EDA: variants seen among roughly 807,000 people sequenced by gnomAD.
The protein encoded by EDA is ectodysplasin A.
A neutral mutation model predicts 23.6 loss-of-function variants in EDA; 2 were observed. The ratio of observed to expected loss-of-function variants is 0.08; its 90% CI spans 0.03 to 0.27. The LOEUF (loss-of-function observed/expected upper bound fraction) is 0.27, where lower values mean the gene tolerates loss of function less well. EDA is among the 10% of genes least tolerant of loss of function. The probability of loss-of-function intolerance (pLI) is 1.00; values close to 1 mark genes in which losing one functional copy is unlikely to be tolerated. For missense variants in EDA, 229 were observed against 324.2 expected (o/e 0.71, Z 2.26); for synonymous variants, 131 against 132.0 (o/e 0.99, Z 0.05).
At chrX:69,689,770 T>C (rs1269593369) in intron 1 of EDA, among the ~76,000 whole-genome samples, 1 of 111,860 alleles carries the variant, frequency 8.9e-6, no homozygotes, top group Non-Finnish European at 1.9e-5. Context: ...ATTGCCATCT[T>C]AACAATATTA....
rs767191066 is a variant in EDA, at chrX:69,945,556, A to G, written c.397-11471A>G. ...TTGAAATCTAATTCTCCATTGCTTC[A>G]TGGAAAGATATCTTTAGTCCCTAAT... On this transcript the variant is annotated intron_variant, in intron 1 of 7. Coordinates refer to ENST00000374552, the MANE Select transcript of EDA (RefSeq NM_001399.5). Among the ~76,000 whole-genome samples, 3 of 112,325 alleles carry G rather than the reference A, an allele frequency of 2.7e-5. No individual in the cohort carries two copies. The South Asian group carries it at 1.1e-3, about 42-fold the overall frequency.
intron 1 of EDA, among the ~76,000 whole-genome samples, chrX:69,788,425 A>C (rs986904504): frequency 2.7e-5 from 3 of 111,072 alleles, no homozygotes; most frequent in African/African-American, 9.9e-5. Context: ...TTGTGGTTTT[A>C]TCTACTTTTG....
chrX:69,867,066 A>AC (rs1230456765), intron 1 of EDA, among the ~76,000 whole-genome samples: 1 of 111,695 alleles, frequency 9.0e-6, no homozygotes, highest in East Asian at 2.8e-4. Flanking sequence ...CTAGCTGATC[A>AC]CCCCAAAGAA....
chrX:69,760,861 G>A (rs1375623176), intron 1 of EDA, among the ~76,000 whole-genome samples: 1 of 111,596 alleles, frequency 9.0e-6, no homozygotes, highest in African/African-American at 3.3e-5. Flanking sequence ...CTCAGAAGCA[G>A]CACAGCTTTT....
At chrX:69,636,741 C>A (rs1435611094) in intron 1 of EDA, among the ~76,000 whole-genome samples, 1 of 108,959 alleles carries the variant, frequency 9.2e-6, no homozygotes, top group Non-Finnish European at 1.9e-5. Flanking sequence ...TTTCTTCTTG[C>A]TACTGTAACT....
chrX:69,968,390 A>T lies in EDA; in HGVS notation c.502+11258A>T, dbSNP rs1246312661. Among the ~76,000 whole-genome samples the T allele has an allele frequency of 3.6e-5, 4 of 112,212 alleles. No individual in the cohort carries two copies. In the Admixed American group the frequency reaches 3.8e-4, roughly 11 times the overall value. On this transcript the variant is annotated intron_variant, in intron 2 of 7. Transcript: ENST00000374552. ...ACAACCCATTTCTAACAAAGGGAAC[A>T]GCAAGTACAAAGCTAACCAATCCCC...
intron 1 of EDA, among the ~76,000 whole-genome samples, chrX:69,763,520 G>A (rs1449563208): frequency 8.9e-6 from 1 of 112,063 alleles, no homozygotes; most frequent in Non-Finnish European, 1.9e-5. Context: ...GGTAAACTAT[G>A]AATTATGCCT....
At chrX:69,832,650 A>G (rs184743395) in intron 1 of EDA, among the ~76,000 whole-genome samples, 19 of 111,592 alleles carry the variant, frequency 1.7e-4, no homozygotes, top group African/African-American at 5.9e-4. Flanking sequence ...TTTTCACAAT[A>G]TTGATTCTTC....
chrX:69,823,351 A>T (rs1013715078), intron 1 of EDA, among the ~76,000 whole-genome samples: 2 of 86,372 alleles, frequency 2.3e-5, no homozygotes, highest in Admixed American at 1.3e-4. Flanking sequence ...CATCCTCTCC[A>T]GCACCTGTTG....
At chrX:69,898,560 G>A (rs75745955) in intron 1 of EDA, among the ~76,000 whole-genome samples, 1 of 111,811 alleles carries the variant, frequency 8.9e-6, no homozygotes, top group Non-Finnish European at 1.9e-5. Flanking sequence ...TCCAGCCTGG[G>A]TGACAGAGCG....
intron 3 of EDA, among the ~76,000 whole-genome samples, chrX:70,025,841 C>G (rs2043525445): frequency 8.9e-6 from 1 of 112,204 alleles, no homozygotes; most frequent in African/African-American, 3.2e-5. Flanking sequence ...GCTACAGGGA[C>G]TCTTCTGGGA....
In EDA at chrX:69,851,134, G is replaced by A. The variant is rs746530485; in HGVS notation, c.397-105893G>A. Reference sequence around the variant, plus strand: ...AATCTTCAAACATTTACACCAAAACGTCACAAAATCTAGATCAAGGGTTTG... The same window carrying A: ...AATCTTCAAACATTTACACCAAAACATCACAAAATCTAGATCAAGGGTTTG... On this transcript the variant is annotated intron_variant, in intron 1 of 7. Coordinates refer to ENST00000374552, the MANE Select transcript of EDA (RefSeq NM_001399.5). Among the ~76,000 whole-genome samples, 103 of 100,368 alleles carry A rather than the reference G, an allele frequency of 1.0e-3. 1 individual carries two copies. Among genetic ancestry groups the A allele is most frequent in the African/African-American group, 2.9e-3 (81 of 28,173 alleles). 87.2% of individuals were successfully genotyped at this position (100,368 alleles called of 115,157 possible).
At chrX:69,968,028 A>G (rs1403951035) in intron 2 of EDA, among the ~76,000 whole-genome samples, 1 of 111,996 alleles carries the variant, frequency 8.9e-6, no homozygotes, top group Non-Finnish European at 1.9e-5. Flanking sequence ...TTCATTAAGC[A>G]TCTATTATGT....
intron 2 of EDA, among the ~76,000 whole-genome samples, chrX:70,021,567 C>A (rs1439637539): frequency 9.0e-6 from 1 of 111,010 alleles, no homozygotes; most frequent in African/African-American, 3.3e-5. Flanking sequence ...CTCAGAACTT[C>A]CAAGCACATT....
rs72628832 is a variant in EDA, at chrX:69,737,824, A to G, written c.396+121120A>G. Among the ~76,000 whole-genome samples the G allele has an allele frequency of 5.8e-4, 57 of 97,792 alleles. No individual in the cohort carries two copies. In the East Asian group the frequency reaches 0.013, roughly 23 times the overall value. The allele number at this position is 97,792 out of a possible 115,157, so 84.9% of individuals were successfully genotyped here. A position where few individuals can be genotyped will look rare whatever the true frequency, so the allele number is the denominator to read the frequency against. On this transcript the variant is annotated intron_variant, in intron 1 of 7. Transcript: ENST00000374552. ...TTAAAGAGTTCAGCTTTGAAAAACA[A>G]TTTCACTGGGTGAAGGATTCTAGGC...
intron 1 of EDA, among the ~76,000 whole-genome samples, chrX:69,728,617 T>C (rs992352685): frequency 3.6e-5 from 4 of 112,005 alleles, no homozygotes; most frequent in Non-Finnish European, 7.5e-5. Flanking sequence ...TAATGAAGCA[T>C]TTTAAGCAGG....
At chrX:69,742,454 A>G (rs1246998032) in intron 1 of EDA, among the ~76,000 whole-genome samples, 1 of 112,173 alleles carries the variant, frequency 8.9e-6, no homozygotes, top group Non-Finnish European at 1.9e-5. Context: ...TCACAGACTG[A>G]CATTGCTGTT....
intron 1 of EDA, among the ~76,000 whole-genome samples, chrX:69,674,286 G>A (rs759410836): frequency 6.3e-5 from 7 of 111,478 alleles, no homozygotes; most frequent in African/African-American, 1.6e-4. Flanking sequence ...CCACTATATA[G>A]CTAGTATATA....
At chrX:70,015,833 G>T (rs954438236) in intron 2 of EDA, among the ~76,000 whole-genome samples, 23 of 111,289 alleles carry the variant, frequency 2.1e-4, no homozygotes, top group African/African-American at 7.2e-4. Flanking sequence ...ATAATAACCA[G>T]CTAACAACAC....
Sources: gnomAD v4.1 joint callset for allele counts (sites outside exome capture counted in the v4.1 genomes callset) on GRCh38, gnomAD v4.1.1 for gene constraint, MANE v1.5 for transcripts, NCBI Gene and HGNC (gene_info 2026-07-23, HGNC 2026-07-21) for gene names.